The following LGALS12 variants were observed in gnomAD, a reference collection of about 807,000 sequenced individuals.
LGALS12 encodes galectin 12, also known as galectin-12.
LGALS12 carries 36 observed loss-of-function variants against 36.8 expected under a neutral mutation model. That is an observed-to-expected ratio of 0.98 (90% CI 0.75 to 1.29). The LOEUF (loss-of-function observed/expected upper bound fraction) is 1.29, where lower values mean the gene tolerates loss of function less well. LGALS12 is among the 50% of genes most tolerant of loss of function. The pLI, the probability that LGALS12 is intolerant of heterozygous loss-of-function variation, is 0.00. For synonymous variants in LGALS12, 145 were observed against 155.9 expected (o/e 0.93, Z 0.52); for missense variants, 366 against 394.3 (o/e 0.93, Z 0.61).
At chr11:63,512,452 G>T (rs1440275351) in intron 7 of LGALS12, among the ~76,000 whole-genome samples, 1 of 152,172 alleles carries the variant, frequency 6.6e-6, no homozygotes, top group South Asian at 2.1e-4. Flanking sequence ...GCAACCTTAG[G>T]ACAGATACTT....
intron 7 of LGALS12, among the ~76,000 whole-genome samples, 154 bp from the exon 8 acceptor site, chr11:63,515,409 A>G (rs746609137): frequency 3.3e-5 from 5 of 152,354 alleles, no homozygotes; most frequent in Middle Eastern, 3.4e-3. Context: ...GCATTCAGCC[A>G]TGAGGCTGTC....
At position 63,511,831 on chromosome 11, in the gene LGALS12, A is replaced by G. The variant is rs369513999; in HGVS notation, c.638A>G (p.Glu213Gly). The G allele has an allele frequency of 1.9e-6, 3 of 1,610,990 alleles. No individual in the cohort carries two copies. In the South Asian group the frequency reaches 3.3e-5, roughly 18 times the overall value. Reference sequence around the variant, plus strand: ...ATAGTACGGGGACTGGTCTTGCAAGAGCCGAAGCAGTAAGTATCCAGCATC... The same window carrying G: ...ATAGTACGGGGACTGGTCTTGCAAGGGCCGAAGCAGTAAGTATCCAGCATC... ...VIIVRGLVLQEPKHFTVSLRD... is the reference protein window; with the variant it reads ...VIIVRGLVLQGPKHFTVSLRD... The change falls in exon 7 of 9, where the codon GAG becomes GGG. Residue 213 changes from glutamate (E) to glycine (G), a missense_variant. Coordinates refer to ENST00000394618, the MANE Select transcript of LGALS12 (RefSeq NM_033101.4).
intron 7 of LGALS12, among the ~76,000 whole-genome samples, chr11:63,513,258 T>C (rs1371672371): frequency 6.6e-6 from 1 of 152,154 alleles, no homozygotes; most frequent in Non-Finnish European, 1.5e-5. Flanking sequence ...CCCACAAAAC[T>C]TGGAGGCATG....
At position 63,508,831 on chromosome 11, in the gene LGALS12, C is replaced by G; in HGVS notation, c.212C>G (p.Ala71Gly). ...AGCCTGTGTCCCCGGCCAGATATCGCCTTCCACTTCAACCCTCGCTTCCAT... is the reference window on the plus strand; with the variant it reads ...AGCCTGTGTCCCCGGCCAGATATCGGCTTCCACTTCAACCCTCGCTTCCAT... ...GCSLCPRPDI[A>G]FHFNPRFHTT... Residue 71 changes from alanine to glycine, a missense_variant, in exon 3 of 9, where the codon GCC becomes GGC. Physicochemically the swap from Ala to Gly is moderately conservative, Grantham distance 60. Coordinates refer to ENST00000394618, the MANE Select transcript of LGALS12 (RefSeq NM_033101.4). 1 of 1,614,248 alleles carries G rather than the reference C, an allele frequency of 6.2e-7. No homozygotes were observed. The highest frequency in any genetic ancestry group is 8.5e-7 in the Non-Finnish European group (1 of 1,180,040).
intron 1 of LGALS12, 117 bp downstream of exon 1, chr11:63,506,644 A>C: frequency 7.2e-7 from 1 of 1,383,774 alleles, no homozygotes; most frequent in Non-Finnish European, 1.0e-6. Context: ...TTCTCCCAGC[A>C]CCTGCCCTGG....
In LGALS12 at chr11:63,506,141, G is replaced by A; in HGVS notation, c.-318G>A. On this transcript the variant is annotated 5_prime_UTR_variant, in exon 1 of 9. It adds an upstream start codon to the 5' untranslated region. Coordinates refer to ENST00000394618, the MANE Select transcript of LGALS12 (RefSeq NM_033101.4). ...TCTGGCTTCTCTCTGCAATGGCCAT[G>A]TGCTGCAGACCCGGAGTGGGTAGTT... 2 of 483,350 alleles carry A rather than the reference G, an allele frequency of 4.1e-6. No homozygotes were observed. The highest frequency in any genetic ancestry group is 7.5e-6 in the Non-Finnish European group (2 of 267,946). 29.9% of individuals were successfully genotyped at this position (483,350 alleles called of 1,614,324 possible).
intron 7 of LGALS12, among the ~76,000 whole-genome samples, 179 bp downstream of exon 7, chr11:63,512,019 G>A (rs1158379956): frequency 6.6e-6 from 1 of 152,218 alleles, no homozygotes; most frequent in Non-Finnish European, 1.5e-5. Flanking sequence ...TGAAGGTCAG[G>A]CTGGGACTGG....
At chr11:63,508,292 G>A (rs2016802365) in intron 1 of LGALS12, 3 of 1,336,130 alleles carry the variant, frequency 2.2e-6, no homozygotes, top group Admixed American at 3.3e-5. Flanking sequence ...CTGGGGAAAG[G>A]CAACTGGCTG....
intron 1 of LGALS12, 47 bp downstream of exon 1, chr11:63,506,574 C>G: frequency 1.9e-6 from 3 of 1,612,174 alleles, no homozygotes; most frequent in Non-Finnish European, 2.5e-6. Context: ...CTGGGCTCTT[C>G]CCTTCCAACT....
In LGALS12 at chr11:63,516,541, C is replaced by G. The variant is rs2017090371; in HGVS notation, c.*148C>G. 4.3e-6 allele frequency: 4 copies of G among 929,406 alleles called. No homozygotes were observed. The highest frequency in any genetic ancestry group is 6.6e-6 in the Non-Finnish European group (4 of 609,654). 57.6% of individuals were successfully genotyped at this position (929,406 alleles called of 1,614,324 possible). A position where few individuals can be genotyped will look rare whatever the true frequency, so the allele number is the denominator to read the frequency against. ...GGTCACGAGACTGAGTCTACAGGAG[C>G]TTTGGGCCTGAGGGAAGGCACAAGA... On this transcript the variant is annotated 3_prime_UTR_variant, in exon 9 of 9. Transcript: ENST00000394618.
In LGALS12 at chr11:63,506,125, T is replaced by G. The variant is rs1163379706; in HGVS notation, c.-334T>G. On this transcript the variant is annotated 5_prime_UTR_variant, in exon 1 of 9. Coordinates refer to ENST00000394618, the MANE Select transcript of LGALS12 (RefSeq NM_033101.4). ...CCCACAGGAGCCAGCCTCTGGCTTC[T>G]CTCTGCAATGGCCATGTGCTGCAGA... The G allele has an allele frequency of 4.8e-6, 2 of 418,600 alleles. No homozygotes were observed. Among genetic ancestry groups the G allele is most frequent in the Admixed American group, 7.7e-5 (2 of 25,918 alleles). The allele number at this position is 418,600 out of a possible 1,614,324, so 25.9% of individuals were successfully genotyped here. A position where few individuals can be genotyped will look rare whatever the true frequency, so the allele number is the denominator to read the frequency against.
In LGALS12 at chr11:63,509,975, T is replaced by G. The variant is rs998063469; in HGVS notation, c.492+78T>G. The G allele has an allele frequency of 2.6e-6, 4 of 1,523,366 alleles. No homozygotes were observed. The African/African-American group carries it at 5.5e-5, about 21-fold the overall frequency. The allele number at this position is 1,523,366 out of a possible 1,614,324, so 94.4% of individuals were successfully genotyped here. A position where few individuals can be genotyped will look rare whatever the true frequency, so the allele number is the denominator to read the frequency against. On this transcript the variant is annotated intron_variant, in intron 4 of 8. Coordinates refer to ENST00000394618, the MANE Select transcript of LGALS12 (RefSeq NM_033101.4). Reference sequence around the variant, plus strand: ...GACTCCTGGACGGGCCTGGGACCCCTTCCTCCACCCTAGACTGAGAGAGAG... The same window carrying G: ...GACTCCTGGACGGGCCTGGGACCCCGTCCTCCACCCTAGACTGAGAGAGAG...
At chr11:63,508,152 T>G in intron 1 of LGALS12, 1 of 1,060,058 alleles carries the variant, frequency 9.4e-7, no homozygotes, top group Non-Finnish European at 1.1e-6. Flanking sequence ...TCTTCTTGCC[T>G]CCCAGTTCCT....
chr11:63,508,390 G>C, intron 1 of LGALS12, 163 bp from the exon 2 acceptor site: 1 of 1,448,616 alleles, frequency 6.9e-7, no homozygotes, highest in Non-Finnish European at 9.0e-7. Context: ...GGATTAGGTG[G>C]AAGAAAATAT....
chr11:63,511,518 G>A (rs1165905785), intron 6 of LGALS12, among the ~76,000 whole-genome samples: 1 of 152,210 alleles, frequency 6.6e-6, no homozygotes, highest in Non-Finnish European at 1.5e-5. Flanking sequence ...AGTGAAGGGA[G>A]AAGGACATGG....
At chr11:63,513,927 G>T (rs971951784) in intron 7 of LGALS12, among the ~76,000 whole-genome samples, 1 of 152,166 alleles carries the variant, frequency 6.6e-6, no homozygotes, top group East Asian at 1.9e-4. Flanking sequence ...ATGAAGGTGA[G>T]GTAGGGAGAC....
chr11:63,511,928 A>G, intron 7 of LGALS12, 88 bp downstream of exon 7: 2 of 891,066 alleles, frequency 2.2e-6, no homozygotes, highest in Non-Finnish European at 3.8e-6. Flanking sequence ...TTAATCTCCT[A>G]GCACCACCAT....
chr11:63,514,617 A>G (rs1345783840), intron 7 of LGALS12, among the ~76,000 whole-genome samples: 1 of 152,162 alleles, frequency 6.6e-6, no homozygotes, highest in Non-Finnish European at 1.5e-5. Context: ...CGGTTGCCCT[A>G]TTTGAGAGGC....
Position 63,511,770 on chromosome 11 carries a change from G to T in LGALS12, c.577G>T (p.Ala193Ser). The T allele has an allele frequency of 6.2e-7, 1 of 1,613,590 alleles. No homozygotes were observed. ...CCTTCAGGAGGTGCCCTGCTCACAT[G>T]CTCTTCCCCAGGGTCTCTCGCCTGG... ...SPRLEVPCSH[A>S]LPQGLSPGQV... is the part of the protein sequence containing the mutation. Residue 193 changes from alanine (A) to serine (S), a missense_variant, in exon 7 of 9, where the codon GCT becomes TCT. Physicochemically the swap from Ala to Ser is moderately conservative, Grantham distance 99. Coordinates refer to ENST00000394618, the MANE Select transcript of LGALS12 (RefSeq NM_033101.4).
Sources: gnomAD v4.1 joint callset for allele counts (sites outside exome capture counted in the v4.1 genomes callset) on GRCh38, gnomAD v4.1.1 for gene constraint, MANE v1.5 for transcripts, NCBI Gene and HGNC (gene_info 2026-07-23, HGNC 2026-07-21) for gene names.